Variants in CIP2A observed in about 807,000 individuals in gnomAD.
CIP2A encodes protein CIP2A.
Under a neutral mutation model 110.9 loss-of-function variants are expected in CIP2A, and 103 were observed. The ratio of observed to expected loss-of-function variants is 0.93; its 90% CI spans 0.79 to 1.09. The LOEUF (loss-of-function observed/expected upper bound fraction) is 1.09, where lower values mean the gene tolerates loss of function less well. CIP2A is among the 50% of genes least tolerant of loss of function. CIP2A has a pLI of 0.00. For synonymous variants in CIP2A, 381 were observed against 361.6 expected, an observed-to-expected ratio of 1.05 and a Z score of -0.61; for missense variants, 1,088 against 1,038.4, an observed-to-expected ratio of 1.05 and a Z score of -0.66.
intron 7 of CIP2A, among the ~76,000 whole-genome samples, chr3:108,579,046 C>G (rs904928998): frequency 6.6e-6 from 1 of 151,936 alleles, no homozygotes; most frequent in Non-Finnish European, 1.5e-5. Context: ...AATGGCACAA[C>G]CCTATTGATC....
intron 2 of CIP2A, 81 bp from the exon 3 acceptor site, chr3:108,583,164 TG>T: frequency 3.0e-6 from 2 of 658,078 alleles, no homozygotes; most frequent in Non-Finnish European, 4.8e-6. Flanking sequence ...TTATTTCATA[TG>T]AATTTATTAT....
Position 108,550,889 on chromosome 3 carries a change from G to A in CIP2A, c.*260C>T. On this transcript the variant is annotated 3_prime_UTR_variant, in exon 21 of 21. Coordinates refer to ENST00000295746, the MANE Select transcript of CIP2A (RefSeq NM_020890.3). ...GAACCTTAGAAAAATGATAATGGAG[G>A]TTAAAAATGATTTTCTAATGTAAGA... The A allele has an allele frequency of 4.6e-6, 1 of 218,394 alleles. No individual in the cohort carries two copies. The highest frequency in any genetic ancestry group is 1.7e-4 in the South Asian group (1 of 5,994). 13.5% of individuals were successfully genotyped at this position (218,394 alleles called of 1,614,324 possible).
chr3:108,580,345 C>G (rs960542916), intron 5 of CIP2A, among the ~76,000 whole-genome samples: 1 of 151,740 alleles, frequency 6.6e-6, no homozygotes, highest in South Asian at 2.1e-4. Context: ...AGTTTCTACA[C>G]ATGAAACTAT....
chr3:108,585,322 T>G, intron 1 of CIP2A, 110 bp from the exon 2 acceptor site: 1 of 995,318 alleles, frequency 1.0e-6, no homozygotes, highest in Non-Finnish European at 1.4e-6. Context: ...ACCTTCCCAA[T>G]TTAAAAAATT....
intron 3 of CIP2A, among the ~76,000 whole-genome samples, chr3:108,582,483 CCTT>C (rs1938915772): frequency 6.6e-6 from 1 of 152,036 alleles, no homozygotes; most frequent in East Asian, 1.9e-4. Context: ...TAGAAGATAC[CCTT>C]CTTCACATTT....
Position 108,589,393 on chromosome 3 carries a change from G to T in CIP2A, c.-18C>A. 6.3e-7 allele frequency: 1 copy of T among 1,588,542 alleles called. No individual in the cohort carries two copies. The highest frequency in any genetic ancestry group is 8.6e-7 in the Non-Finnish European group (1 of 1,160,542). ...GAGTCCATTGCACCGGCCGCGGCCC[G>T]GCTTAGGGACCACCACCGCCCAGCG... On this transcript the variant is annotated 5_prime_UTR_variant, in exon 1 of 21. Transcript: ENST00000295746.
Position 108,575,327 on chromosome 3 carries a change from C to CATGTGTATATAT in CIP2A, c.894+943_894+944insATATATACACAT, listed in dbSNP as rs1164212230. ...ACGTACACACACGTGCATGTACACA[C>CATGTGTATATAT]ACGTGTATATATACATATACACACA... On this transcript the variant is annotated intron_variant, in intron 8 of 20. Coordinates refer to ENST00000295746, the MANE Select transcript of CIP2A (RefSeq NM_020890.3). Among the ~76,000 whole-genome samples the CATGTGTATATAT allele has an allele frequency of 4.0e-5, 6 of 149,294 alleles. No homozygotes were observed. In the East Asian group the frequency reaches 7.9e-4, roughly 20 times the overall value.
In CIP2A at chr3:108,576,305, A is replaced by G. The variant is rs747800736; in HGVS notation, c.860T>C (p.Leu287Pro). ...GGAATCAGGATCCTTTCCATTAAGA[A>G]GACCTAATACTTGGTGAAGACATGA... Reference protein sequence around the residue: ...FSSCLHQVLGLLNGKDPDSSS... With the variant: ...FSSCLHQVLGPLNGKDPDSSS... The change falls in exon 8 of 21, where the codon CTT (leucine) becomes CCT (proline). Residue 287 changes from leucine to proline, a missense_variant. By Grantham distance (98) the Leu-to-Pro change is moderately conservative. Transcript: ENST00000295746. 7 of 1,567,650 alleles carry G rather than the reference A, an allele frequency of 4.5e-6. No individual in the cohort carries two copies. The highest frequency in any genetic ancestry group is 5.2e-6 in the Non-Finnish European group (6 of 1,155,888).
At chr3:108,563,093 A>C (rs752775066) in intron 13 of CIP2A, 33 bp downstream of exon 13, 1 of 1,386,402 alleles carries the variant, frequency 7.2e-7, no homozygotes, top group Non-Finnish European at 1.0e-6. Context: ...TTCCAACACC[A>C]CAAGAGATAC....
intron 9 of CIP2A, 31 bp downstream of exon 9, chr3:108,569,358 A>G (rs1268366056): frequency 6.6e-7 from 1 of 1,507,042 alleles, no homozygotes; most frequent in African/African-American, 1.4e-5. Flanking sequence ...TCACAAAAGT[A>G]GAAAAGTCAA....
intron 1 of CIP2A, 141 bp downstream of exon 1, chr3:108,589,133 C>T: frequency 1.6e-6 from 1 of 638,570 alleles, no homozygotes; most frequent in Non-Finnish European, 2.8e-6. Context: ...ACTCACTAGC[C>T]TTTACCAGTA....
At chr3:108,583,583 G>A (rs1354197729) in intron 2 of CIP2A, among the ~76,000 whole-genome samples, 2 of 152,124 alleles carry the variant, frequency 1.3e-5, no homozygotes, top group South Asian at 2.1e-4. Context: ...CAGAGGCTGG[G>A]AAGAATATGG....
At chr3:108,587,024 A>T (rs1304524748) in intron 1 of CIP2A, among the ~76,000 whole-genome samples, 1 of 152,210 alleles carries the variant, frequency 6.6e-6, no homozygotes, top group East Asian at 1.9e-4. Flanking sequence ...GGTTAAAATT[A>T]AGAAATATGA....
Position 108,551,149 on chromosome 3 carries a change from C to A in CIP2A, c.2718G>T (p.Ter906TyrextTer30). 1 of 1,395,908 alleles carries A rather than the reference C, an allele frequency of 7.2e-7. No homozygotes were observed. The allele number at this position is 1,395,908 out of a possible 1,614,324, so 86.5% of individuals were successfully genotyped here. Reference sequence around the variant, plus strand: ...TACAAATTCCAAAATGCCATAATGTCTATATACTGAGATTCACAGTTTCTG... The same window carrying A: ...TACAAATTCCAAAATGCCATAATGTATATATACTGAGATTCACAGTTTCTG... ...INPETVNLSI[*>Y] The change falls in exon 21 of 21, where the codon TAG becomes TAT. Residue 906 changes from the stop codon to tyrosine, a stop_lost. Transcript: ENST00000295746.
rs56255137 is a variant in CIP2A, at chr3:108,550,925, A to T, written c.*224T>A. ...TTTTCTAATGTAAGAACCAAAGAAA[A>T]CCTTAAGCCATAAAAGCCAGAAACA... On this transcript the variant is annotated 3_prime_UTR_variant, in exon 21 of 21. Transcript: ENST00000295746. 0.12 allele frequency: 34,574 copies of T among 288,136 alleles called. 2,507 individuals carry two copies. Among genetic ancestry groups the T allele is most frequent in the South Asian group, 0.26 (1,722 of 6,574 alleles). The allele number at this position is 288,136 out of a possible 1,614,324, so 17.8% of individuals were successfully genotyped here. A position where few individuals can be genotyped will look rare whatever the true frequency, so the allele number is the denominator to read the frequency against.
At chr3:108,566,430 T>G in intron 11 of CIP2A, 67 bp downstream of exon 11, 226 of 1,246,380 alleles carry the variant, frequency 1.8e-4, no homozygotes, top group Non-Finnish European at 2.4e-4. Flanking sequence ...TCCAAAAGGA[T>G]GAGAATCACC....
At chr3:108,571,428 A>G (rs1428400594) in intron 8 of CIP2A, among the ~76,000 whole-genome samples, 1 of 152,182 alleles carries the variant, frequency 6.6e-6, no homozygotes, top group Non-Finnish European at 1.5e-5. Flanking sequence ...TGTGTCTGTC[A>G]TTGACTAAAA....
At chr3:108,561,112 A>G (rs918816529) in intron 13 of CIP2A, among the ~76,000 whole-genome samples, 6 of 152,180 alleles carry the variant, frequency 3.9e-5, no homozygotes, top group Non-Finnish European at 4.4e-5. Context: ...ATTATCTGTA[A>G]TAAGTACAAA....
Position 108,553,713 on chromosome 3 carries a change from A to G in CIP2A, c.2342T>C (p.Ile781Thr). The change falls in exon 19 of 21, where the codon ATA becomes ACA. Residue 781 changes from isoleucine to threonine, a missense_variant. Ile to Thr is a moderately conservative substitution (Grantham distance 89). Transcript: ENST00000295746. ...EQNEKSIAQL[I>T]EKEEQRKEVQ... ...TTCTTTTCTCTGTTCTTCTTTCTCT[A>G]TTAATTGGGCAATACTTCTGAAGTT... 1.4e-6 allele frequency: 2 copies of G among 1,476,900 alleles called. No individual in the cohort carries two copies. Among genetic ancestry groups the G allele is most frequent in the Non-Finnish European group, 9.4e-7 (1 of 1,058,690 alleles). The allele number at this position is 1,476,900 out of a possible 1,614,324, so 91.5% of individuals were successfully genotyped here.
Sources: gnomAD v4.1 joint callset for allele counts (sites outside exome capture counted in the v4.1 genomes callset) on GRCh38, gnomAD v4.1.1 for gene constraint, MANE v1.5 for transcripts, NCBI Gene and HGNC (gene_info 2026-07-23, HGNC 2026-07-21) for gene names.